Variants in SORCS1 observed in about 807,000 individuals in gnomAD.
The protein encoded by SORCS1 is sortilin related VPS10 domain containing receptor 1.
In SORCS1, 60 loss-of-function variants were observed where a neutral mutation model predicts 146.1. The observed-to-expected ratio is 0.41, with a 90% confidence interval of 0.33 to 0.51. The LOEUF is 0.51. Ranked by LOEUF, SORCS1 falls within the 20% of genes least tolerant of loss-of-function variation. The pLI, the probability that SORCS1 is intolerant of heterozygous loss-of-function variation, is 0.21. For synonymous variants in SORCS1, 637 were observed against 584.0 expected, an observed-to-expected ratio of 1.09 and a Z score of -1.31; for missense variants, 1,352 against 1,487.6, an observed-to-expected ratio of 0.91 and a Z score of 1.50.
intron 5 of SORCS1, among the ~76,000 whole-genome samples, chr10:106,750,988 G>GGCAGAGGTT (rs1350183716): frequency 1.4e-5 from 2 of 142,418 alleles, no homozygotes; most frequent in East Asian, 4.1e-4. Flanking sequence ...GAAACTGTGA[G>GGCAGAGGTT]GCAGAGGTTG....
chr10:106,785,314 G>A (rs756408161), intron 3 of SORCS1, among the ~76,000 whole-genome samples: 8 of 152,120 alleles, frequency 5.3e-5, no homozygotes, highest in Admixed American at 4.6e-4. Flanking sequence ...GGGCCCATTT[G>A]TCTTTCCCAA....
At chr10:107,079,841 A>G (rs768025036) in intron 1 of SORCS1, among the ~76,000 whole-genome samples, 21 of 152,184 alleles carry the variant, frequency 1.4e-4, no homozygotes, top group Non-Finnish European at 2.9e-4. Flanking sequence ...CTGGCCAATA[A>G]TTAAGGTATC....
chr10:107,176,826 T>A, the SORCS1 span, among the ~76,000 whole-genome samples: 1 of 152,062 alleles, frequency 6.6e-6, no homozygotes, highest in Non-Finnish European at 1.5e-5. Flanking sequence ...ACCCTTAGTG[T>A]TTTTTATATA....
At chr10:106,772,311 G>T (rs1323269687) in intron 4 of SORCS1, among the ~76,000 whole-genome samples, 1 of 152,050 alleles carries the variant, frequency 6.6e-6, no homozygotes, top group African/African-American at 2.4e-5. Context: ...TTACACCATT[G>T]GTTCCACCCC....
At position 106,671,849 on chromosome 10, in the gene SORCS1, A is replaced by G. The variant is rs139753134; in HGVS notation, c.2059-482T>C. Among the ~76,000 whole-genome samples, 10 of 152,368 alleles carry G rather than the reference A, an allele frequency of 6.6e-5. No individual in the cohort carries two copies. The East Asian group carries it at 1.9e-3, about 29-fold the overall frequency. ...ACACAACTTTACAGCACAGATTTTA[A>G]TGTTCCTCTACCAGACAAGCGAGAG... On this transcript the variant is annotated intron_variant, in intron 15 of 25. Coordinates refer to ENST00000263054, the MANE Select transcript of SORCS1 (RefSeq NM_052918.5).
chr10:107,143,811 C>T (rs1406605043), intron 1 of SORCS1, among the ~76,000 whole-genome samples: 3 of 151,864 alleles, frequency 2.0e-5, no homozygotes, highest in African/African-American at 7.3e-5. Flanking sequence ...GCCTAATTTT[C>T]CTATTTTTTT....
At position 106,895,773 on chromosome 10, in the gene SORCS1, C is replaced by T. The variant is rs554321719; in HGVS notation, c.626+60740G>A. On this transcript the variant is annotated intron_variant, in intron 2 of 25. Transcript: ENST00000263054. ...AGAATTGCCATTTGATCCAGTAATC[C>T]CACTCTTAGGTGTATGTCCAAACAG... Among the ~76,000 whole-genome samples, 894 of 152,126 alleles carry T rather than the reference C, an allele frequency of 5.9e-3. 6 individuals carry two copies. Among genetic ancestry groups the T allele is most frequent in the Non-Finnish European group, 0.01 (701 of 68,000 alleles).
chr10:106,688,901 C>T (rs1202125175), intron 9 of SORCS1, among the ~76,000 whole-genome samples: 2 of 152,198 alleles, frequency 1.3e-5, no homozygotes, highest in Non-Finnish European at 2.9e-5. Flanking sequence ...GCTCTTAATG[C>T]CTACCTCAAT....
intron 2 of SORCS1, among the ~76,000 whole-genome samples, chr10:106,891,591 C>T (rs961306303): frequency 2.0e-5 from 3 of 149,832 alleles, no homozygotes; most frequent in African/African-American, 7.5e-5. Context: ...CCTCGAATTC[C>T]TGGGCTCAAG....
At chr10:106,872,511 G>T (rs1950449835) in intron 2 of SORCS1, among the ~76,000 whole-genome samples, 2 of 152,142 alleles carry the variant, frequency 1.3e-5, no homozygotes, top group Admixed American at 6.5e-5. Context: ...ACTTTACTAA[G>T]GTTTTAATAG....
chr10:106,975,466 T>C (rs1955952666), intron 1 of SORCS1, among the ~76,000 whole-genome samples: 1 of 152,230 alleles, frequency 6.6e-6, no homozygotes, highest in Non-Finnish European at 1.5e-5. Context: ...CAGCCAGAAA[T>C]GCTTCACCCT....
rs557007947 is a variant in SORCS1 at position 106,818,491 on chromosome 10, G to A, written c.726+11083C>T. ...AGTGATCCTCCTGCCTCAGCCTCCCGAGTAGCTTGGACTACAGGCACGCAC... is the reference window on the plus strand; with the variant it reads ...AGTGATCCTCCTGCCTCAGCCTCCCAAGTAGCTTGGACTACAGGCACGCAC... On this transcript the variant is annotated intron_variant, in intron 3 of 25. Coordinates refer to ENST00000263054, the MANE Select transcript of SORCS1 (RefSeq NM_052918.5). 5.3e-5 allele frequency among the ~76,000 whole-genome samples: 8 copies of A among 151,554 alleles called. No individual in the cohort carries two copies. The South Asian group carries it at 1.3e-3, about 24-fold the overall frequency.
At chr10:106,822,713 C>T (rs1034790655) in intron 3 of SORCS1, among the ~76,000 whole-genome samples, 4 of 150,418 alleles carry the variant, frequency 2.7e-5, no homozygotes, top group Non-Finnish European at 4.4e-5. Context: ...TAAGGATTTA[C>T]TTACTACACG....
intron 1 of SORCS1, among the ~76,000 whole-genome samples, chr10:107,094,260 A>G (rs1332572405): frequency 6.6e-6 from 1 of 152,212 alleles, no homozygotes; most frequent in East Asian, 1.9e-4. Context: ...AATGTATAAT[A>G]TATCATCTTT....
At chr10:106,654,197 G>A (rs987669801) in intron 17 of SORCS1, among the ~76,000 whole-genome samples, 2 of 152,174 alleles carry the variant, frequency 1.3e-5, no homozygotes, top group Non-Finnish European at 2.9e-5. Context: ...TATTTAGAGA[G>A]TGCTTACTAT....
At chr10:106,697,339 C>T (rs1287811730) in intron 9 of SORCS1, among the ~76,000 whole-genome samples, 1 of 151,794 alleles carries the variant, frequency 6.6e-6, no homozygotes, top group Non-Finnish European at 1.5e-5. Flanking sequence ...AGTGGGAGTC[C>T]CAGCTACTCG....
chr10:106,598,740 T>G (rs11817694), intron 23 of SORCS1, among the ~76,000 whole-genome samples: 10,698 of 152,170 alleles, frequency 0.07, 941 homozygotes, highest in African/African-American at 0.21. Context: ...TTCAGTGAGT[T>G]GCCAAAATAA....
At chr10:106,657,606 G>C (rs1266382100) in intron 17 of SORCS1, among the ~76,000 whole-genome samples, 3 of 150,258 alleles carry the variant, frequency 2.0e-5, no homozygotes, top group Non-Finnish European at 4.4e-5. Context: ...AAAAGGTATT[G>C]AAATAATATA....
intron 24 of SORCS1, among the ~76,000 whole-genome samples, chr10:106,581,322 TAC>T (rs3044191): frequency 0.074 from 10,495 of 142,006 alleles, 375 homozygotes; most frequent in Admixed American, 0.081. Flanking sequence ...TCGTCATACA[TAC>T]ACACACACAC....
Sources: gnomAD v4.1 joint callset for allele counts (sites outside exome capture counted in the v4.1 genomes callset) on GRCh38, gnomAD v4.1.1 for gene constraint, MANE v1.5 for transcripts, NCBI Gene and HGNC (gene_info 2026-07-23, HGNC 2026-07-21) for gene names.